The following CEP112 variants were observed in gnomAD, a reference collection of about 807,000 sequenced individuals.
CEP112 encodes centrosomal protein of 112 kDa.
In CEP112, 127 loss-of-function variants were observed where a neutral mutation model predicts 153.0. The observed-to-expected ratio is 0.83, with a 90% CI of 0.72 to 0.96. The LOEUF (loss-of-function observed/expected upper bound fraction) is 0.96. Ranked by LOEUF, CEP112 falls within the 40% of genes least tolerant of loss-of-function variation. The pLI, the probability that CEP112 is intolerant of heterozygous loss-of-function variation, is 0.00. For missense variants in CEP112, 1,089 were observed against 1,101.2 expected (o/e 0.99, Z 0.16); for synonymous variants, 358 against 374.4 (o/e 0.96, Z 0.51).
At chr17:66,186,383 C>T (rs768305615) in intron 1 of CEP112, among the ~76,000 whole-genome samples, 1 of 152,038 alleles carries the variant, frequency 6.6e-6, no homozygotes. Context: ...CTCACTGCAA[C>T]CTCCACCTCC....
At chr17:66,106,336 A>C (rs922978100) in intron 6 of CEP112, among the ~76,000 whole-genome samples, 7 of 152,048 alleles carry the variant, frequency 4.6e-5, no homozygotes. Context: ...AAATTTAAAA[A>C]ACACACAAAA....
intron 12 of CEP112, among the ~76,000 whole-genome samples, chr17:66,052,372 A>G (rs1214436050): frequency 6.6e-6 from 1 of 152,238 alleles, no homozygotes; most frequent in East Asian, 1.9e-4. Flanking sequence ...GAACACGGAC[A>G]TGAGGAGCTC....
chr17:65,877,243 A>G (rs1252225711), intron 20 of CEP112, among the ~76,000 whole-genome samples: 1 of 152,220 alleles, frequency 6.6e-6, no homozygotes, highest in Non-Finnish European at 1.5e-5. Flanking sequence ...TGTGACCAGG[A>G]AGTACAGGAA....
intron 21 of CEP112, among the ~76,000 whole-genome samples, chr17:65,828,681 A>T (rs964896079): frequency 7.9e-6 from 1 of 126,728 alleles, no homozygotes; most frequent in Non-Finnish European, 1.6e-5. Context: ...ATCACAAATA[A>T]TTTTTCTTTT....
At chr17:65,753,932 A>C (rs1477118118) in intron 21 of CEP112, among the ~76,000 whole-genome samples, 1 of 152,166 alleles carries the variant, frequency 6.6e-6, no homozygotes. Flanking sequence ...AAATCTCACA[A>C]ACCCAATGAA....
At chr17:65,792,977 C>G (rs1426268030) in intron 21 of CEP112, among the ~76,000 whole-genome samples, 1 of 151,980 alleles carries the variant, frequency 6.6e-6, no homozygotes, top group Non-Finnish European at 1.5e-5. Flanking sequence ...TAGCTGGACG[C>G]CTAGTGGGCA....
intron 23 of CEP112, among the ~76,000 whole-genome samples, chr17:65,717,940 C>CA (rs766972096): frequency 1.9e-4 from 29 of 151,714 alleles, no homozygotes; most frequent in African/African-American, 6.8e-4. Context: ...AATGGAACAA[C>CA]AAAAAAAATC....
At chr17:65,743,611 A>G (rs2145166946) in intron 22 of CEP112, among the ~76,000 whole-genome samples, 1 of 152,338 alleles carries the variant, frequency 6.6e-6, no homozygotes, top group Admixed American at 6.5e-5. Context: ...ACCAAAGAAA[A>G]TAATGAACAG....
intron 6 of CEP112, among the ~76,000 whole-genome samples, chr17:66,113,455 T>G (rs2069149189): frequency 6.6e-6 from 1 of 152,100 alleles, no homozygotes; most frequent in South Asian, 2.1e-4. Context: ...ACTAATTAAG[T>G]TTAAAATTTA....
At chr17:65,785,682 A>C (rs1338558052) in intron 21 of CEP112, among the ~76,000 whole-genome samples, 1 of 152,164 alleles carries the variant, frequency 6.6e-6, no homozygotes. Context: ...GTCATATCTA[A>C]GAATTCTTTG....
chr17:65,730,295 T>C (rs2050429234), intron 23 of CEP112, among the ~76,000 whole-genome samples: 1 of 152,224 alleles, frequency 6.6e-6, no homozygotes, highest in Admixed American at 6.5e-5. Context: ...TCTTCTCCGC[T>C]CATTTATTGC....
At chr17:65,854,658 C>T (rs746627) in intron 20 of CEP112, among the ~76,000 whole-genome samples, 60,532 of 152,028 alleles carry the variant, frequency 0.4, 12,986 homozygotes, top group East Asian at 0.79. Context: ...AAAGGCTGAT[C>T]CTTGTAAACC....
At chr17:65,995,629 C>A (rs113133084) in intron 17 of CEP112, among the ~76,000 whole-genome samples, 1 of 152,190 alleles carries the variant, frequency 6.6e-6, no homozygotes. Flanking sequence ...GTAGGCAATA[C>A]AAGAAACAGC....
At chr17:65,882,194 T>C (rs78699614) in intron 20 of CEP112, among the ~76,000 whole-genome samples, 2,558 of 152,340 alleles carry the variant, frequency 0.017, 80 homozygotes, top group African/African-American at 0.058. Context: ...GCCTGCTGCC[T>C]GCTCCCAGAA....
chr17:66,034,881 C>T (rs896808063), intron 12 of CEP112, among the ~76,000 whole-genome samples: 1 of 150,228 alleles, frequency 6.7e-6, no homozygotes, highest in African/African-American at 2.4e-5. Context: ...AATCTCGACT[C>T]ACCGCAACCC....
At chr17:65,936,396 A>G (rs2061307787) in intron 18 of CEP112, among the ~76,000 whole-genome samples, 1 of 152,236 alleles carries the variant, frequency 6.6e-6, no homozygotes, top group African/African-American at 2.4e-5. Context: ...ACTGAAGTAG[A>G]GGGAATATTT....
At chr17:65,942,631 C>A (rs1024470588) in intron 18 of CEP112, among the ~76,000 whole-genome samples, 1 of 152,172 alleles carries the variant, frequency 6.6e-6, no homozygotes, top group African/African-American at 2.4e-5. Flanking sequence ...CAAGTTCCTG[C>A]CGATAGCAAA....
chr17:66,001,220 CT>C (rs545178496), intron 17 of CEP112, among the ~76,000 whole-genome samples: 65 of 152,292 alleles, frequency 4.3e-4, no homozygotes, highest in African/African-American at 1.4e-3. Flanking sequence ...TCTGCGTGAG[CT>C]TTTTTTCATA....
chr17:65,645,515 T>G (rs2143454538), intron 24 of CEP112, among the ~76,000 whole-genome samples: 1 of 152,372 alleles, frequency 6.6e-6, no homozygotes, highest in Non-Finnish European at 1.5e-5. Flanking sequence ...TGTAATCTTT[T>G]GCTTTTGTCT....
Sources: allele counts gnomAD v4.1 joint callset (sites outside exome capture counted in the v4.1 genomes callset), GRCh38; gene constraint gnomAD v4.1.1; transcripts MANE v1.5; gene names NCBI Gene and HGNC (gene_info 2026-07-23, HGNC 2026-07-21).